The following PSG11 variants were observed in gnomAD, a reference collection of about 807,000 sequenced individuals.
The protein encoded by PSG11 is pregnancy specific beta-1-glycoprotein 11.
In PSG11, 42 loss-of-function variants were observed where a neutral mutation model predicts 36.0. The ratio of observed to expected loss-of-function variants is 1.17; its 90% CI spans 0.91 to 1.51. PSG11 has a LOEUF of 1.51. Ranked by LOEUF, PSG11 falls within the 40% of genes most tolerant of loss-of-function variation. PSG11 has a pLI of 0.00. For missense variants in PSG11, 558 were observed against 403.5 expected, an observed-to-expected ratio of 1.38 and a Z score of -3.28; for synonymous variants, 206 against 153.5, an observed-to-expected ratio of 1.34 and a Z score of -2.53.
At chr19:43,018,490 C>T (rs1967020566) in intron 3 of PSG11, 3 of 705,956 alleles carry the variant, frequency 4.2e-6, no homozygotes, top group Non-Finnish European at 6.6e-6. Context: ...CAGCCAAATC[C>T]TCGCTGTGTT....
chr19:43,019,350 C>G, intron 2 of PSG11: 1 of 443,636 alleles, frequency 2.3e-6, no homozygotes, highest in East Asian at 4.5e-5. Context: ...GTCCCTCCAT[C>G]TCCAACTGCC....
chr19:43,008,071 G>A (rs1973975043), intron 5 of PSG11, 29 bp from the exon 6 acceptor site: 1 of 358,816 alleles, frequency 2.8e-6, no homozygotes, highest in Admixed American at 4.8e-5. Flanking sequence ...TTGGACTGTA[G>A]CTGATTTTAA....
intron 3 of PSG11, among the ~76,000 whole-genome samples, chr19:43,016,702 C>G (rs1963786): frequency 1.3e-5 from 2 of 150,836 alleles, no homozygotes; most frequent in Non-Finnish European, 3.0e-5. Context: ...TAGAGCAGAG[C>G]GCAAGGAATG....
intron 1 of PSG11, among the ~76,000 whole-genome samples, chr19:43,025,922 T>A: frequency 7.5e-6 from 1 of 133,350 alleles, no homozygotes; most frequent in South Asian, 2.4e-4. Flanking sequence ...TTTCCTTTTT[T>A]TTTTTTTTTT....
chr19:43,007,805 A>G lies in PSG11; in HGVS notation c.*278T>C, dbSNP rs1305176553. 1 of 293,404 alleles carries G rather than the reference A, an allele frequency of 3.4e-6. No homozygotes were observed. Among genetic ancestry groups the G allele is most frequent in the Non-Finnish European group, 6.7e-6 (1 of 150,202 alleles). 18.2% of individuals were successfully genotyped at this position (293,404 alleles called of 1,614,324 possible). ...CAATTGCTGAAGAAAAAAATTCATA[A>G]ATCTGGAGGATAAAACATTCAAAAA... On this transcript the variant is annotated 3_prime_UTR_variant, in exon 6 of 6. Coordinates refer to ENST00000320078, the MANE Select transcript of PSG11 (RefSeq NM_002785.3).
intron 4 of PSG11, among the ~76,000 whole-genome samples, chr19:43,013,478 A>T (rs1179425043): frequency 6.6e-6 from 1 of 151,452 alleles, no homozygotes; most frequent in Non-Finnish European, 1.5e-5. Flanking sequence ...CCAAGGAAGG[A>T]ACACAAATAT....
intron 2 of PSG11, among the ~76,000 whole-genome samples, chr19:43,024,025 T>C (rs34038462): frequency 0.14 from 21,887 of 151,396 alleles, 2,486 homozygotes; most frequent in Non-Finnish European, 0.22. Flanking sequence ...AGACTTTCTA[T>C]GGACTGTCCT....
At chr19:43,014,433 C>T in intron 4 of PSG11, 1 of 957,094 alleles carries the variant, frequency 1.0e-6, no homozygotes, top group Non-Finnish European at 1.2e-6. Flanking sequence ...CCAGTGACTT[C>T]AGAGCCAGGA....
intron 4 of PSG11, chr19:43,014,134 T>C (rs1206451594): frequency 5.4e-5 from 9 of 166,068 alleles, no homozygotes; most frequent in Non-Finnish European, 9.8e-5. Flanking sequence ...AGAGTTACTG[T>C]TTATTGGGTA....
Position 43,018,761 on chromosome 19 carries a change from G to T in PSG11, c.709+9C>A, listed in dbSNP as rs771843268. ...CAGCCTGGCTCACAGAGGAACAGAA[G>T]ATACTCACGGAGGAGATTCAGGGTG... On this transcript the variant is annotated intron_variant, in intron 3 of 5. Transcript: ENST00000320078. 6.2e-7 allele frequency: 1 copy of T among 1,612,146 alleles called. No individual in the cohort carries two copies. Among genetic ancestry groups the T allele is most frequent in the South Asian group, 1.1e-5 (1 of 90,846 alleles).
intron 4 of PSG11, among the ~76,000 whole-genome samples, chr19:43,010,968 A>C (rs1378639251): frequency 2.7e-5 from 4 of 150,548 alleles, no homozygotes; most frequent in African/African-American, 4.9e-5. Context: ...GCCCTGTGCT[A>C]AATACTTTAC....
At chr19:43,024,573 A>G in intron 2 of PSG11, 118 bp downstream of exon 2, 1 of 1,566,614 alleles carries the variant, frequency 6.4e-7, no homozygotes, top group Middle Eastern at 1.7e-4. Flanking sequence ...CCCAAACCCC[A>G]GCATGGGACA....
intron 5 of PSG11, among the ~76,000 whole-genome samples, chr19:43,008,526 TCA>T (rs1473516534): frequency 6.6e-6 from 1 of 151,292 alleles, no homozygotes; most frequent in Non-Finnish European, 1.5e-5. Flanking sequence ...TCCACCCACC[TCA>T]GTCTCCCAAA....
At position 43,025,660 on chromosome 19, in the gene PSG11, T is replaced by A. The variant is rs931197507; in HGVS notation, c.65-604A>T. Reference sequence around the variant, plus strand: ...GGGCCGTCCACGCCCTGGGTGTTTTTTTTTTTTTCCCCAATTGTTGAGGTT... The same window carrying A: ...GGGCCGTCCACGCCCTGGGTGTTTTATTTTTTTTCCCCAATTGTTGAGGTT... On this transcript the variant is annotated intron_variant, in intron 1 of 5. Transcript: ENST00000320078. 8.6e-5 allele frequency among the ~76,000 whole-genome samples: 13 copies of A among 150,476 alleles called. 1 individual carries two copies. The highest frequency in any genetic ancestry group is 1.3e-4 in the Admixed American group (2 of 15,088).
Position 43,018,641 on chromosome 19 carries a change from C to T in PSG11, c.709+129G>A, listed in dbSNP as rs543741032. The T allele has an allele frequency of 1.7e-4, 275 of 1,589,614 alleles. 5 individuals carry two copies. The highest frequency in any genetic ancestry group is 4.7e-4 in the Admixed American group (28 of 59,704). ...CTGTGGTTTGTCTGGGGCAGAAAGTCATGGCCAGCTTTGATGTCCAGTGGT... is the reference window on the plus strand; with the variant it reads ...CTGTGGTTTGTCTGGGGCAGAAAGTTATGGCCAGCTTTGATGTCCAGTGGT... On this transcript the variant is annotated intron_variant, in intron 3 of 5. Transcript: ENST00000320078.
At chr19:43,020,460 G>A (rs1156364448) in intron 2 of PSG11, among the ~76,000 whole-genome samples, 1 of 151,130 alleles carries the variant, frequency 6.6e-6, no homozygotes, top group Non-Finnish European at 1.5e-5. Flanking sequence ...AAGTTGTCAG[G>A]AGATTAGACC....
rs1328751217 is a variant in PSG11, at chr19:43,014,492, C to T, written c.964+624G>A. ...GGTTGCTTCTCTTCTTATTTCCTTG[C>T]AGCCTGGCCCGGGGGAGGCTTGGCT... On this transcript the variant is annotated intron_variant, in intron 4 of 5. Coordinates refer to ENST00000320078, the MANE Select transcript of PSG11 (RefSeq NM_002785.3). The T allele has an allele frequency of 5.1e-6, 5 of 975,158 alleles. 1 individual carries two copies. In the African/African-American group the frequency reaches 5.3e-5, roughly 10 times the overall value. 60.4% of individuals were successfully genotyped at this position (975,158 alleles called of 1,614,324 possible). A position where few individuals can be genotyped will look rare whatever the true frequency, so the allele number is the denominator to read the frequency against.
In PSG11 at chr19:43,020,987, A is replaced by C. The variant is rs148747548; in HGVS notation, c.431-1939T>G. 4.5e-4 allele frequency among the ~76,000 whole-genome samples: 68 copies of C among 151,446 alleles called. 4 individuals are homozygous for C. The highest frequency in any genetic ancestry group is 1.6e-3 in the African/African-American group (64 of 41,094). On this transcript the variant is annotated intron_variant, in intron 2 of 5. Coordinates refer to ENST00000320078, the MANE Select transcript of PSG11 (RefSeq NM_002785.3). ...AATGGCTCATGTGTCTCCCCACACG[A>C]AGAACTCCAACTTATGAAAACGGCA... is the stretch of plus-strand genomic sequence containing the variant.
chr19:43,012,301 A>T (rs1257779169), intron 4 of PSG11, among the ~76,000 whole-genome samples: 1 of 151,480 alleles, frequency 6.6e-6, no homozygotes, highest in East Asian at 1.9e-4. Flanking sequence ...CTAGTCAAAA[A>T]AATTAGGCAA....
Sources: gnomAD v4.1 joint callset for allele counts (sites outside exome capture counted in the v4.1 genomes callset) on GRCh38, gnomAD v4.1.1 for gene constraint, MANE v1.5 for transcripts, NCBI Gene and HGNC (gene_info 2026-07-23, HGNC 2026-07-21) for gene names.